STAM: variants seen among roughly 807,000 people sequenced by gnomAD.
STAM encodes the protein signal transducing adapter molecule 1.
Under a neutral mutation model 63.4 loss-of-function variants are expected in STAM, and 16 were observed. The ratio of observed to expected loss-of-function variants is 0.25; its 90% CI spans 0.17 to 0.38. The LOEUF is 0.38. Ranked by LOEUF, STAM falls within the 10% of genes least tolerant of loss-of-function variation. The pLI, the probability that STAM is intolerant of heterozygous loss-of-function variation, is 1.00. For missense variants in STAM, 636 were observed against 657.1 expected (o/e 0.97, Z 0.35); for synonymous variants, 238 against 223.9 (o/e 1.06, Z -0.56).
Position 17,644,180 on chromosome 10 carries a change from C to A in STAM, c.-160C>A, listed in dbSNP as rs1157516648. 4 of 723,156 alleles carry A rather than the reference C, an allele frequency of 5.5e-6. No homozygotes were observed. Among genetic ancestry groups the A allele is most frequent in the Non-Finnish European group, 9.4e-6 (4 of 425,628 alleles). The allele number at this position is 723,156 out of a possible 1,614,324, so 44.8% of individuals were successfully genotyped here. A position where few individuals can be genotyped will look rare whatever the true frequency, so the allele number is the denominator to read the frequency against. On this transcript the variant is annotated 5_prime_UTR_variant, in exon 1 of 14. Coordinates refer to ENST00000377524, the MANE Select transcript of STAM (RefSeq NM_003473.4). ...GCTGTTGCCGCCGCCGCAGCTGCTGCCGCGGTTGGTGGGGTTGGGTGAGAG... is the reference window on the plus strand; with the variant it reads ...GCTGTTGCCGCCGCCGCAGCTGCTGACGCGGTTGGTGGGGTTGGGTGAGAG...
chr10:17,646,155 C>G (rs782665460), intron 1 of STAM, among the ~76,000 whole-genome samples: 3 of 152,156 alleles, frequency 2.0e-5, no homozygotes, highest in Non-Finnish European at 2.9e-5. Flanking sequence ...ACTTGTTACA[C>G]CTGAGTCATT....
chr10:17,693,416 T>C, intron 6 of STAM, 104 bp downstream of exon 6: 1 of 903,836 alleles, frequency 1.1e-6, no homozygotes, highest in Admixed American at 2.8e-5. Context: ...AAAGCTGAAA[T>C]CTGCTTTGTT....
intron 2 of STAM, among the ~76,000 whole-genome samples, chr10:17,680,789 G>A (rs375329299): frequency 2.0e-4 from 31 of 152,154 alleles, no homozygotes; most frequent in Non-Finnish European, 8.8e-5. Flanking sequence ...TTCACTTAGC[G>A]TAATGGCTTT....
chr10:17,714,807 T>TA lies in STAM; in HGVS notation c.*28dup. On this transcript the variant is annotated 3_prime_UTR_variant, in exon 14 of 14. Transcript: ENST00000377524. ...ACCCGGTGTTCCTCTTGGTGGCAGA[T>TA]ACCTGCTAAATGCCACTGACAATGT... is the stretch of plus-strand genomic sequence containing the variant. The TA allele has an allele frequency of 1.3e-6, 2 of 1,588,150 alleles. No homozygotes were observed. The highest frequency in any genetic ancestry group is 1.7e-6 in the Non-Finnish European group (2 of 1,156,326).
intron 2 of STAM, among the ~76,000 whole-genome samples, chr10:17,683,852 A>G (rs1835185015): frequency 6.6e-6 from 1 of 152,154 alleles, no homozygotes; most frequent in South Asian, 2.1e-4. Context: ...TTGAATGCTT[A>G]GTACTTTGAA....
At chr10:17,662,039 G>A (rs1052294704) in intron 2 of STAM, among the ~76,000 whole-genome samples, 3 of 152,028 alleles carry the variant, frequency 2.0e-5, no homozygotes, top group South Asian at 2.1e-4. Flanking sequence ...TACTTTGGAC[G>A]TTCCTTACCT....
chr10:17,665,219 T>G (rs2131591014), intron 2 of STAM, among the ~76,000 whole-genome samples: 1 of 152,246 alleles, frequency 6.6e-6, no homozygotes, highest in East Asian at 1.9e-4. Flanking sequence ...ACAAACCCAT[T>G]TTCTGTTCTT....
At chr10:17,704,557 T>C (rs376659810) in intron 10 of STAM, 39 bp downstream of exon 10, 1 of 1,520,442 alleles carries the variant, frequency 6.6e-7, no homozygotes, top group Non-Finnish European at 9.1e-7. Flanking sequence ...AAAGAGTAGT[T>C]AGAGGTTAAT....
At chr10:17,652,404 C>T (rs1833776522) in intron 1 of STAM, among the ~76,000 whole-genome samples, 1 of 152,046 alleles carries the variant, frequency 6.6e-6, no homozygotes, top group African/African-American at 2.4e-5. Flanking sequence ...GATGCTGATT[C>T]TATTTATGTG....
chr10:17,712,051 G>A (rs910904646), intron 13 of STAM, among the ~76,000 whole-genome samples: 1 of 152,234 alleles, frequency 6.6e-6, no homozygotes, highest in African/African-American at 2.4e-5. Flanking sequence ...AAGTATTGGT[G>A]AATTGCATGG....
intron 2 of STAM, among the ~76,000 whole-genome samples, chr10:17,675,799 AT>A (rs5783557): frequency 2.0e-5 from 3 of 151,438 alleles, no homozygotes; most frequent in East Asian, 2.0e-4. Flanking sequence ...TACCTATTGA[AT>A]TTTTTTTTAA....
rs1378645252 is a variant in STAM, at chr10:17,708,897, C to T, written c.1331C>T (p.Pro444Leu). 2.5e-6 allele frequency: 4 copies of T among 1,614,184 alleles called. No homozygotes were observed. The East Asian group carries it at 6.7e-5, about 27-fold the overall frequency. Reference protein sequence around the residue: ...QLSSLSQAVVPPSANPALPSQ... With the variant: ...QLSSLSQAVVLPSANPALPSQ... ...TCTTCTCTCAGCCAGGCAGTGGTCCCACCATCCGCAAACCCAGCCCTTCCT... is the reference window on the plus strand; with the variant it reads ...TCTTCTCTCAGCCAGGCAGTGGTCCTACCATCCGCAAACCCAGCCCTTCCT... Residue 444 changes from proline to leucine, a missense_variant, in exon 13 of 14, where the codon CCA becomes CTA. Pro to Leu is a moderately conservative substitution (Grantham distance 98). Around this residue, in one of 3 missense-constraint regions of STAM, gnomAD observed 532 missense variants for 536.9 expected, o/e 0.99. Coordinates refer to ENST00000377524, the MANE Select transcript of STAM (RefSeq NM_003473.4).
chr10:17,687,742 C>T (rs565541804), intron 4 of STAM, among the ~76,000 whole-genome samples: 84 of 152,310 alleles, frequency 5.5e-4, no homozygotes, highest in African/African-American at 2.0e-3. Context: ...CCTTGTCTTA[C>T]TGATGTACAA....
intron 2 of STAM, among the ~76,000 whole-genome samples, chr10:17,675,476 G>T (rs1204961531): frequency 6.6e-6 from 1 of 150,704 alleles, no homozygotes; most frequent in Non-Finnish European, 1.5e-5. Context: ...TGCATTCCAG[G>T]CTGGGAGACA....
In STAM at chr10:17,678,279, G is replaced by T. The variant is rs558695981; in HGVS notation, c.126-6396G>T. On this transcript the variant is annotated intron_variant, in intron 2 of 13. Coordinates refer to ENST00000377524, the MANE Select transcript of STAM (RefSeq NM_003473.4). The stretch of plus-strand genomic sequence containing the variant: ...GGTGTAATTTTTTTTTTGGAAGACA[G>T]AGTCTCGCTGTGTTGCCCAGGCTAG... Among the ~76,000 whole-genome samples, 113 of 136,838 alleles carry T rather than the reference G, an allele frequency of 8.3e-4. 2 individuals are homozygous for T. Among genetic ancestry groups the T allele is most frequent in the African/African-American group, 3.0e-3 (111 of 37,092 alleles). 89.8% of individuals were successfully genotyped at this position (136,838 alleles called of 152,430 possible). A position where few individuals can be genotyped will look rare whatever the true frequency, so the allele number is the denominator to read the frequency against.
At position 17,706,553 on chromosome 10, in the gene STAM, G is replaced by C. The variant is rs1254715052; in HGVS notation, c.1209+812G>C. Among the ~76,000 whole-genome samples the C allele has an allele frequency of 4.0e-5, 6 of 151,632 alleles. No homozygotes were observed. The East Asian group carries it at 1.2e-3, about 29-fold the overall frequency. On this transcript the variant is annotated intron_variant, in intron 12 of 13. Transcript: ENST00000377524. ...GTCACCACGCCAGGCTAATTTTTTTGTATTTTTAGTAGAGACGGGGTTTCG... is the reference window on the plus strand; with the variant it reads ...GTCACCACGCCAGGCTAATTTTTTTCTATTTTTAGTAGAGACGGGGTTTCG...
intron 4 of STAM, among the ~76,000 whole-genome samples, chr10:17,687,762 C>T (rs576922319): frequency 2.6e-5 from 4 of 152,258 alleles, no homozygotes; most frequent in Non-Finnish European, 4.4e-5. Flanking sequence ...AACCTTGCTT[C>T]GTTGCAAAAT....
chr10:17,705,477 A>G, intron 11 of STAM, 111 bp from the exon 12 acceptor site: 2 of 1,229,954 alleles, frequency 1.6e-6, no homozygotes, highest in South Asian at 1.6e-5. Context: ...ATTTTTAATA[A>G]TGTCTACTAG....
intron 7 of STAM, chr10:17,695,683 G>C (rs1554827396): frequency 6.6e-6 from 1 of 152,638 alleles, no homozygotes; most frequent in African/African-American, 2.4e-5. Context: ...AGGTGATACA[G>C]TGCATCAGTT....
Sources: allele counts gnomAD v4.1 joint callset (sites outside exome capture counted in the v4.1 genomes callset), GRCh38; gene constraint gnomAD v4.1.1; regional missense constraint gnomAD v4.1.1; transcripts MANE v1.5; gene names NCBI Gene and HGNC (gene_info 2026-07-23, HGNC 2026-07-21).